Variants in CACNA1D observed in about 807,000 individuals in gnomAD.
CACNA1D encodes calcium voltage-gated channel subunit alpha1 D.
In CACNA1D, 55 loss-of-function variants were observed where a neutral mutation model predicts 257.1. That is an observed-to-expected ratio of 0.21 (90% CI 0.17 to 0.27). CACNA1D has a LOEUF of 0.27. Among genes scored for constraint, CACNA1D ranks in the 10% least tolerant of loss-of-function variants. CACNA1D has a pLI of 1.00. For missense variants in CACNA1D, 1,876 were observed against 2,784.0 expected (o/e 0.67, Z 7.34); for synonymous variants, 980 against 1,014.9 (o/e 0.97, Z 0.65).
chr3:53,729,503 T>C (rs568150761), intron 15 of CACNA1D, among the ~76,000 whole-genome samples: 1 of 152,312 alleles, frequency 6.6e-6, no homozygotes, highest in East Asian at 1.9e-4. Flanking sequence ...GAAGGGGGCC[T>C]TCTCACTTAT....
At position 53,808,580 on chromosome 3, in the gene CACNA1D, T is replaced by C. The variant is rs1019571467; in HGVS notation, c.5750-69T>C. On this transcript the variant is annotated intron_variant, in intron 45 of 47. Coordinates refer to ENST00000350061, the MANE Select transcript of CACNA1D (RefSeq NM_001128840.3). ...CGTTGCTGAGCATCCGGGGCCACCC[T>C]GACTCTGAAAGACGGTGTCCCGGCA... 1.3e-5 allele frequency: 21 copies of C among 1,595,010 alleles called. No individual in the cohort carries two copies. The African/African-American group carries it at 2.8e-4, about 21-fold the overall frequency.
chr3:53,566,804 G>A (rs1021600279), intron 3 of CACNA1D, among the ~76,000 whole-genome samples: 6 of 152,308 alleles, frequency 3.9e-5, no homozygotes, highest in African/African-American at 1.4e-4. Context: ...CATTTAGGCA[G>A]CTCTTCCATG....
intron 5 of CACNA1D, among the ~76,000 whole-genome samples, chr3:53,662,964 C>T (rs938933948): frequency 3.3e-5 from 5 of 152,140 alleles, no homozygotes; most frequent in African/African-American, 7.2e-5. Flanking sequence ...GAACGGGTGT[C>T]GTCTTTTCCT....
In CACNA1D at chr3:53,800,910, C is replaced by A; in HGVS notation, c.5041-148C>A. ...CAACTGCCACACAGTCACATTCACC[C>A]TGATCATTGAGACACTCAGATTGTT... On this transcript the variant is annotated intron_variant, in intron 41 of 47. Transcript: ENST00000350061. The surrounding 1 kb of genome is among the most constrained non-coding windows in gnomAD (Gnocchi z 4.3). 1 of 779,736 alleles carries A rather than the reference C, an allele frequency of 1.3e-6. No individual in the cohort carries two copies. Among genetic ancestry groups the A allele is most frequent in the Non-Finnish European group, 2.2e-6 (1 of 451,488 alleles). 48.3% of individuals were successfully genotyped at this position (779,736 alleles called of 1,614,324 possible).
At chr3:53,766,428 G>A (rs953749946) in intron 30 of CACNA1D, among the ~76,000 whole-genome samples, 4 of 152,212 alleles carry the variant, frequency 2.6e-5, no homozygotes, top group South Asian at 4.1e-4. Context: ...GCAATGCCTC[G>A]GGTTACCTGG....
In CACNA1D at chr3:53,780,144, C is replaced by T; in HGVS notation, c.4690+16C>T. The T allele has an allele frequency of 6.3e-7, 1 of 1,576,408 alleles. No individual in the cohort carries two copies. On this transcript the variant is annotated intron_variant, in intron 38 of 47. Coordinates refer to ENST00000350061, the MANE Select transcript of CACNA1D (RefSeq NM_001128840.3). Reference sequence around the variant, plus strand: ...AAGACCGAAGGTGAGCATTCCCTGCCAGCAAGACAAGATGGCAGGAAAGGA... The same window carrying T: ...AAGACCGAAGGTGAGCATTCCCTGCTAGCAAGACAAGATGGCAGGAAAGGA...
At chr3:53,715,549 TGATG>T (rs760396712) in intron 9 of CACNA1D, among the ~76,000 whole-genome samples, 39 of 152,084 alleles carry the variant, frequency 2.6e-4, no homozygotes, top group African/African-American at 2.4e-4. Flanking sequence ...TTTTCTGAGA[TGATG>T]GAGTTAACAT....
In CACNA1D at chr3:53,626,606, C is replaced by T. The variant is rs570298987; in HGVS notation, c.484-24173C>T. Among the ~76,000 whole-genome samples the T allele has an allele frequency of 2.8e-4, 42 of 152,224 alleles. 1 individual carries two copies. In the South Asian group the frequency reaches 8.1e-3, roughly 29 times the overall value. ...AGTCAAACATGGATAAAGTCACACT[C>T]AGGTGTCACTGTGAGGGGAAAGGTG... On this transcript the variant is annotated intron_variant, in intron 3 of 47. Coordinates refer to ENST00000350061, the MANE Select transcript of CACNA1D (RefSeq NM_001128840.3).
At position 53,494,721 on chromosome 3, in the gene CACNA1D, G is replaced by GGGC. The variant is rs1296362665; in HGVS notation, c.-434_-432dup. The GGGC allele has an allele frequency of 1.4e-5, 2 of 146,356 alleles. No individual in the cohort carries two copies. Among genetic ancestry groups the GGGC allele is most frequent in the African/African-American group, 2.5e-5 (1 of 40,656 alleles). 9.1% of individuals were successfully genotyped at this position (146,356 alleles called of 1,614,324 possible). ...CGCGGTCCCGAGCCAGCGGCGGCGC[G>GGGC]GGCGGCGGCGGCGGGCACCGGGCAC... On this transcript the variant is annotated 5_prime_UTR_variant, in exon 1 of 48. Transcript: ENST00000350061.
rs1191823834 is a variant in CACNA1D at position 53,774,394 on chromosome 3, C to T, written c.4111-193C>T. On this transcript the variant is annotated intron_variant, in intron 33 of 47. Coordinates refer to ENST00000350061, the MANE Select transcript of CACNA1D (RefSeq NM_001128840.3). The surrounding 1 kb of genome is among the most constrained non-coding windows in gnomAD (Gnocchi z 4.3). ...GAGACCGTGCCCCTCTGGAGCACCA[C>T]GTTCCCAGTGTGTAACCTGCTGCCT... 8.5e-6 allele frequency: 5 copies of T among 590,466 alleles called. No homozygotes were observed. The highest frequency in any genetic ancestry group is 2.9e-5 in the East Asian group (1 of 34,124). The allele number at this position is 590,466 out of a possible 1,614,324, so 36.6% of individuals were successfully genotyped here.
intron 43 of CACNA1D, 69 bp from the exon 44 acceptor site, chr3:53,803,354 A>T (rs2095545884): frequency 2.5e-6 from 4 of 1,586,544 alleles, no homozygotes; most frequent in Middle Eastern, 1.7e-4. Context: ...GGCCACAGGC[A>T]GAGGTGCAGC....
intron 3 of CACNA1D, among the ~76,000 whole-genome samples, chr3:53,583,947 C>G (rs2093172946): frequency 6.6e-6 from 1 of 152,180 alleles, no homozygotes; most frequent in Admixed American, 6.5e-5. Context: ...TCTACAGTCA[C>G]AAGCATCAGC....
intron 3 of CACNA1D, among the ~76,000 whole-genome samples, chr3:53,504,068 T>TA (rs1044105463): frequency 6.6e-6 from 1 of 151,476 alleles, no homozygotes; most frequent in African/African-American, 2.4e-5. Context: ...TTTTTTTTTT[T>TA]AAATACATTT....
chr3:53,543,482 G>A (rs2092348506), intron 3 of CACNA1D, among the ~76,000 whole-genome samples: 1 of 152,192 alleles, frequency 6.6e-6, no homozygotes, highest in Admixed American at 6.5e-5. Context: ...GGTATTTATT[G>A]GGTTCTTAAT....
rs2095601635 is a variant in CACNA1D, at chr3:53,811,731, C to T, written c.*325C>T. 1 of 218,632 alleles carries T rather than the reference C, an allele frequency of 4.6e-6. No individual in the cohort carries two copies. The highest frequency in any genetic ancestry group is 9.0e-6 in the Non-Finnish European group (1 of 111,132). 13.5% of individuals were successfully genotyped at this position (218,632 alleles called of 1,614,324 possible). A position where few individuals can be genotyped will look rare whatever the true frequency, so the allele number is the denominator to read the frequency against. On this transcript the variant is annotated 3_prime_UTR_variant, in exon 48 of 48. Coordinates refer to ENST00000350061, the MANE Select transcript of CACNA1D (RefSeq NM_001128840.3). This position sits in a 1 kb window ranked among gnomAD's most constrained non-coding sequence, Gnocchi z 4.2. ...GCACTGCTGTGGAGTCTGCTTCTCC[C>T]ATGTACCAGGGCACCAGGCCCACCC...
At chr3:53,674,118 T>C in intron 8 of CACNA1D, 1 of 500,726 alleles carries the variant, frequency 2.0e-6, no homozygotes, top group South Asian at 2.1e-5. Flanking sequence ...AGCCTTGGTC[T>C]CCCCCAGGAA....
intron 8 of CACNA1D, among the ~76,000 whole-genome samples, chr3:53,682,391 A>AAC (rs2094440641): frequency 7.1e-6 from 1 of 140,878 alleles, no homozygotes; most frequent in African/African-American, 2.6e-5. Flanking sequence ...AAAAAAAAAA[A>AAC]AAAAACAGAA....
chr3:53,530,010 A>G (rs980267837), intron 3 of CACNA1D, among the ~76,000 whole-genome samples: 1 of 152,158 alleles, frequency 6.6e-6, no homozygotes. Flanking sequence ...AAATTTGGTT[A>G]CCTGGCCTCA....
intron 8 of CACNA1D, among the ~76,000 whole-genome samples, chr3:53,678,818 T>C (rs1227595618): frequency 6.6e-6 from 1 of 152,166 alleles, no homozygotes; most frequent in East Asian, 1.9e-4. Context: ...ATACTAGTAA[T>C]AGCCAGACAA....
Sources: allele counts gnomAD v4.1 joint callset (sites outside exome capture counted in the v4.1 genomes callset), GRCh38; gene constraint gnomAD v4.1.1; non-coding constraint Gnocchi (gnomAD v3.1); transcripts MANE v1.5; gene names NCBI Gene and HGNC (gene_info 2026-07-23, HGNC 2026-07-21).